Variants in ITPRID1 observed in about 807,000 individuals in gnomAD.
ITPRID1 encodes ITPR interacting domain containing 1.
ITPRID1 carries 96 observed loss-of-function variants against 95.4 expected under a neutral mutation model. The ratio of observed to expected loss-of-function variants is 1.01; its 90% CI spans 0.85 to 1.19. The LOEUF is 1.19. ITPRID1 is among the 50% of genes most tolerant of loss of function. The probability of loss-of-function intolerance (pLI) is 0.00; values close to 1 mark genes in which losing one functional copy is unlikely to be tolerated. For synonymous variants in ITPRID1, 510 were observed against 453.6 expected, an observed-to-expected ratio of 1.12 and a Z score of -1.58; for missense variants, 1,339 against 1,252.9, an observed-to-expected ratio of 1.07 and a Z score of -1.04.
rs1276635135 is a variant in ITPRID1, at chr7:31,557,778, G to A, written c.256+2877G>A. On this transcript the variant is annotated intron_variant, in intron 5 of 14. Coordinates refer to ENST00000615280, the MANE Select transcript of ITPRID1 (RefSeq NM_001257967.3). ...AAAGTAACTTGACAAAAGCCACCCA[G>A]TTAGTAGGTATTGGAGTTGAGATTT... Among the ~76,000 whole-genome samples, 6 of 152,290 alleles carry A rather than the reference G, an allele frequency of 3.9e-5. No individual in the cohort carries two copies. The East Asian group carries it at 1.2e-3, about 29-fold the overall frequency.
intron 5 of ITPRID1, among the ~76,000 whole-genome samples, chr7:31,555,684 G>T (rs1784422907): frequency 6.6e-6 from 1 of 152,144 alleles, no homozygotes; most frequent in African/African-American, 2.4e-5. Flanking sequence ...GTGAAAAAAT[G>T]ACATAAATTA....
chr7:31,577,287 G>A (rs1785219150), intron 8 of ITPRID1, among the ~76,000 whole-genome samples: 2 of 152,312 alleles, frequency 1.3e-5, no homozygotes, highest in Non-Finnish European at 2.9e-5. Flanking sequence ...CATTTACTAT[G>A]TGCCTGGCAT....
intron 10 of ITPRID1, among the ~76,000 whole-genome samples, chr7:31,637,182 T>C (rs1227299484): frequency 6.6e-6 from 1 of 152,060 alleles, no homozygotes; most frequent in Non-Finnish European, 1.5e-5. Flanking sequence ...TTGTGAATAG[T>C]GCCGCAATAA....
intron 13 of ITPRID1, 56 bp from the exon 14 acceptor site, chr7:31,651,883 A>G (rs1790989747): frequency 3.2e-6 from 4 of 1,243,404 alleles, no homozygotes; most frequent in African/African-American, 3.0e-5. Context: ...TGACAATGGA[A>G]GATTGCACCT....
intron 10 of ITPRID1, among the ~76,000 whole-genome samples, chr7:31,623,120 C>G (rs1240376116): frequency 6.6e-6 from 1 of 152,110 alleles, no homozygotes; most frequent in Non-Finnish European, 1.5e-5. Flanking sequence ...CAGTAGCTTA[C>G]CAACCAAAAA....
intron 1 of ITPRID1, among the ~76,000 whole-genome samples, chr7:31,545,932 T>C (rs948153786): frequency 2.6e-5 from 4 of 152,120 alleles, no homozygotes; most frequent in Non-Finnish European, 4.4e-5. Context: ...GTTGCTTCAG[T>C]TTTTGAGTGA....
At chr7:31,646,798 T>G (rs1790506876) in intron 12 of ITPRID1, among the ~76,000 whole-genome samples, 1 of 152,164 alleles carries the variant, frequency 6.6e-6, no homozygotes. Flanking sequence ...TGAATGGGTG[T>G]GAGGGCCACC....
intron 5 of ITPRID1, among the ~76,000 whole-genome samples, chr7:31,565,945 T>A (rs1784786207): frequency 6.6e-6 from 1 of 152,172 alleles, no homozygotes; most frequent in African/African-American, 2.4e-5. Flanking sequence ...GGCTTTCATA[T>A]GTGTCATCAG....
intron 10 of ITPRID1, among the ~76,000 whole-genome samples, chr7:31,618,813 G>T (rs1353053186): frequency 6.6e-6 from 1 of 152,196 alleles, no homozygotes; most frequent in Non-Finnish European, 1.5e-5. Context: ...CAAATGGCAT[G>T]CCATGCCCAA....
intron 1 of ITPRID1, among the ~76,000 whole-genome samples, chr7:31,524,871 G>A (rs1019045047): frequency 6.6e-6 from 1 of 152,034 alleles, no homozygotes; most frequent in African/African-American, 2.4e-5. Context: ...TATATCAATG[G>A]TACCTAGAAG....
At chr7:31,591,029 A>G (rs1307844077) in intron 10 of ITPRID1, among the ~76,000 whole-genome samples, 2 of 152,188 alleles carry the variant, frequency 1.3e-5, no homozygotes, top group African/African-American at 4.8e-5. Context: ...CATCTGGAAA[A>G]GGAGTCCCTT....
At chr7:31,539,899 C>G (rs1329718192) in intron 1 of ITPRID1, among the ~76,000 whole-genome samples, 1 of 151,894 alleles carries the variant, frequency 6.6e-6, no homozygotes, top group Non-Finnish European at 1.5e-5. Flanking sequence ...TGGCATGTAT[C>G]TGATCGGGGA....
rs1024076093 is a variant in ITPRID1, at chr7:31,655,497, C to A, written c.*2668C>A. 6.6e-6 allele frequency among the ~76,000 whole-genome samples: 1 copy of A among 152,174 alleles called. No homozygotes were observed. The highest frequency in any genetic ancestry group is 6.5e-5 in the Admixed American group (1 of 15,274). On this transcript the variant is annotated 3_prime_UTR_variant, in exon 15 of 15. Coordinates refer to ENST00000615280, the MANE Select transcript of ITPRID1 (RefSeq NM_001257967.3). ...ACCATGTGGGTCATATTTGCTGGATCTACAGTGAATACCCAGAAAGTACTT... is the reference window on the plus strand; with the variant it reads ...ACCATGTGGGTCATATTTGCTGGATATACAGTGAATACCCAGAAAGTACTT...
rs1791097842 is a variant in ITPRID1 at position 31,652,975 on chromosome 7, G to A, written c.*146G>A. ...TATTCTACCCTTTGGTTAAACCCAA[G>A]AGGAGTTTAGAATACTCTAATACTC... On this transcript the variant is annotated 3_prime_UTR_variant, in exon 15 of 15. Transcript: ENST00000615280. 11 of 1,447,590 alleles carry A rather than the reference G, an allele frequency of 7.6e-6. No individual in the cohort carries two copies. Among genetic ancestry groups the A allele is most frequent in the Non-Finnish European group, 1.0e-5 (11 of 1,104,058 alleles). 89.7% of individuals were successfully genotyped at this position (1,447,590 alleles called of 1,614,324 possible). A position where few individuals can be genotyped will look rare whatever the true frequency, so the allele number is the denominator to read the frequency against.
rs1178912110 is a variant in ITPRID1 at position 31,569,837 on chromosome 7, T to G, written c.308+28T>G. ...AGGTAGCAGAATCAGTGTTACTTCA[T>G]GCCAATATTTTGCAGCCACACCTTT... On this transcript the variant is annotated intron_variant, in intron 6 of 14. Coordinates refer to ENST00000615280, the MANE Select transcript of ITPRID1 (RefSeq NM_001257967.3). 1.9e-6 allele frequency: 3 copies of G among 1,557,820 alleles called. No individual in the cohort carries two copies. The Admixed American group carries it at 5.8e-5, about 30-fold the overall frequency.
chr7:31,638,196 T>C (rs1789672596), intron 10 of ITPRID1, among the ~76,000 whole-genome samples: 1 of 152,156 alleles, frequency 6.6e-6, no homozygotes. Flanking sequence ...GGAAAACGGG[T>C]GGTATTTTTG....
intron 5 of ITPRID1, among the ~76,000 whole-genome samples, chr7:31,559,142 C>T (rs1784545952): frequency 6.6e-6 from 1 of 152,146 alleles, no homozygotes; most frequent in African/African-American, 2.4e-5. Flanking sequence ...ATATCTCCCC[C>T]TAAGTATTTC....
At chr7:31,615,675 C>T (rs887308567) in intron 10 of ITPRID1, among the ~76,000 whole-genome samples, 1 of 136,894 alleles carries the variant, frequency 7.3e-6, no homozygotes, top group Non-Finnish European at 1.6e-5. Flanking sequence ...TAGACATGAC[C>T]AAGATCATTA....
chr7:31,517,605 T>A (rs11978226), intron 1 of ITPRID1: 106,085 of 152,942 alleles, frequency 0.69, 37,080 homozygotes, highest in Middle Eastern at 0.75. Flanking sequence ...CGGGTGCGCC[T>A]GTGCTGGGAG....
Sources: allele counts gnomAD v4.1 joint callset (sites outside exome capture counted in the v4.1 genomes callset), GRCh38; gene constraint gnomAD v4.1.1; transcripts MANE v1.5; gene names NCBI Gene and HGNC (gene_info 2026-07-23, HGNC 2026-07-21).